The following VSNL1 variants were observed in gnomAD, a reference collection of about 807,000 sequenced individuals.
VSNL1 encodes visinin like 1, also known as visinin-like protein 1.
Under a neutral mutation model 20.4 loss-of-function variants are expected in VSNL1, and 6 were observed. That is an observed-to-expected ratio of 0.29 (90% confidence interval 0.16 to 0.58). VSNL1 has a LOEUF of 0.58. Among genes scored for constraint, VSNL1 ranks in the 20% least tolerant of loss-of-function variants. VSNL1 has a pLI of 0.90. For synonymous variants in VSNL1, 93 were observed against 86.4 expected (o/e 1.08, Z -0.42); for missense variants, 100 against 234.5 (o/e 0.43, Z 3.75).
At chr2:17,626,317 AG>A (rs1665507683) in intron 2 of VSNL1, among the ~76,000 whole-genome samples, 1 of 152,192 alleles carries the variant, frequency 6.6e-6, no homozygotes, top group African/African-American at 2.4e-5. Context: ...GGACTTGTGT[AG>A]TACCCCTTGG....
At chr2:17,639,685 A>G (rs1399293277) in intron 2 of VSNL1, among the ~76,000 whole-genome samples, 1 of 152,244 alleles carries the variant, frequency 6.6e-6, no homozygotes. Flanking sequence ...TAATAATAGC[A>G]TCTTTCATCG....
intron 2 of VSNL1, among the ~76,000 whole-genome samples, chr2:17,611,581 A>G (rs146603492): frequency 6.6e-6 from 1 of 152,354 alleles, no homozygotes; most frequent in African/African-American, 2.4e-5. Context: ...TTGGTCAAAG[A>G]GTAGACTAAG....
At chr2:17,557,464 C>A (rs1354509479) in intron 1 of VSNL1, among the ~76,000 whole-genome samples, 1 of 152,118 alleles carries the variant, frequency 6.6e-6, no homozygotes, top group African/African-American at 2.4e-5. Context: ...CAAAATGGCA[C>A]CACTTACAAT....
intron 1 of VSNL1, among the ~76,000 whole-genome samples, chr2:17,551,506 A>G (rs1302322312): frequency 6.6e-6 from 1 of 152,232 alleles, no homozygotes; most frequent in Non-Finnish European, 1.5e-5. Flanking sequence ...GTGATGAGAG[A>G]ATAATGTAGC....
intron 1 of VSNL1, among the ~76,000 whole-genome samples, chr2:17,573,481 G>A (rs986487729): frequency 5.9e-5 from 9 of 152,174 alleles, no homozygotes; most frequent in African/African-American, 1.9e-4. Context: ...CTGAAGTGAG[G>A]TGGAATAAAT....
At chr2:17,587,099 C>T (rs947525474) in intron 1 of VSNL1, among the ~76,000 whole-genome samples, 4 of 152,290 alleles carry the variant, frequency 2.6e-5, no homozygotes, top group South Asian at 4.1e-4. Flanking sequence ...GCTCTCAGCC[C>T]TATTTCCAAG....
intron 3 of VSNL1, among the ~76,000 whole-genome samples, chr2:17,652,368 G>A (rs1450470319): frequency 1.3e-5 from 2 of 152,148 alleles, no homozygotes; most frequent in Non-Finnish European, 2.9e-5. Flanking sequence ...GGGAAGGAAT[G>A]GAATGTGCAA....
At chr2:17,632,136 A>G (rs193288804) in intron 2 of VSNL1, among the ~76,000 whole-genome samples, 4 of 152,082 alleles carry the variant, frequency 2.6e-5, no homozygotes, top group Admixed American at 2.0e-4. Flanking sequence ...TTCCACCCAC[A>G]GGGATTACAG....
At chr2:17,572,574 C>A (rs142224004) in intron 1 of VSNL1, among the ~76,000 whole-genome samples, 6 of 152,262 alleles carry the variant, frequency 3.9e-5, no homozygotes, top group African/African-American at 1.4e-4. Flanking sequence ...TGTTTCATGC[C>A]ATACAATAAC....
chr2:17,619,355 AT>A (rs1558302496), intron 2 of VSNL1, among the ~76,000 whole-genome samples: 3 of 152,180 alleles, frequency 2.0e-5, no homozygotes, highest in South Asian at 4.2e-4. Context: ...CAGCAGGCTA[AT>A]TTTTCTTGGA....
At chr2:17,548,750 T>G (rs1016919253) in intron 1 of VSNL1, among the ~76,000 whole-genome samples, 1 of 152,172 alleles carries the variant, frequency 6.6e-6, no homozygotes, top group Non-Finnish European at 1.5e-5. Flanking sequence ...ATCTTCCTAA[T>G]TGGCTCATAG....
At chr2:17,559,748 A>G (rs1663770155) in intron 1 of VSNL1, among the ~76,000 whole-genome samples, 2 of 152,204 alleles carry the variant, frequency 1.3e-5, no homozygotes, top group Non-Finnish European at 2.9e-5. Flanking sequence ...TTTTCTCAGG[A>G]GTAGATACAG....
intron 1 of VSNL1, among the ~76,000 whole-genome samples, chr2:17,587,010 C>T (rs1387690017): frequency 6.6e-6 from 1 of 152,200 alleles, no homozygotes; most frequent in Admixed American, 6.5e-5. Flanking sequence ...CTGTCACTGA[C>T]CAGCCCATTG....
intron 2 of VSNL1, among the ~76,000 whole-genome samples, chr2:17,615,694 T>C (rs376331570): frequency 1.3e-5 from 2 of 152,262 alleles, no homozygotes; most frequent in East Asian, 3.8e-4. Context: ...GAGATTCTCT[T>C]GGTCTCTCCC....
intron 3 of VSNL1, among the ~76,000 whole-genome samples, chr2:17,650,362 C>A (rs906842548): frequency 6.6e-6 from 1 of 152,214 alleles, no homozygotes; most frequent in Non-Finnish European, 1.5e-5. Context: ...TGTCCCTGCC[C>A]CAGATTAACT....
intron 2 of VSNL1, among the ~76,000 whole-genome samples, chr2:17,647,168 C>T (rs1666016690): frequency 2.0e-5 from 3 of 152,174 alleles, no homozygotes; most frequent in Admixed American, 2.0e-4. Flanking sequence ...TTTTAATATA[C>T]TGACCCAAGG....
At chr2:17,596,801 T>C (rs1455874910) in intron 2 of VSNL1, among the ~76,000 whole-genome samples, 1 of 152,208 alleles carries the variant, frequency 6.6e-6, no homozygotes, top group Admixed American at 6.5e-5. Flanking sequence ...TGTGTTACAT[T>C]TACCAAATCT....
intron 1 of VSNL1, among the ~76,000 whole-genome samples, chr2:17,586,396 G>A (rs1341326370): frequency 2.0e-5 from 3 of 152,182 alleles, no homozygotes; most frequent in East Asian, 1.9e-4. Flanking sequence ...GGTGATTCTT[G>A]TATTCAGACA....
chr2:17,581,803 A>G (rs1031399495), intron 1 of VSNL1, among the ~76,000 whole-genome samples: 7 of 152,228 alleles, frequency 4.6e-5, no homozygotes, highest in Admixed American at 1.3e-4. Flanking sequence ...CTTGCTGTTA[A>G]TGGGAGGGAT....
Sources: allele counts gnomAD v4.1 joint callset (sites outside exome capture counted in the v4.1 genomes callset), GRCh38; gene constraint gnomAD v4.1.1; transcripts MANE v1.5; gene names NCBI Gene and HGNC (gene_info 2026-07-23, HGNC 2026-07-21).